SFMBT2: variants seen among roughly 807,000 people sequenced by gnomAD.
SFMBT2 encodes scm-like with four MBT domains protein 2.
SFMBT2 carries 38 observed loss-of-function variants against 110.1 expected under a neutral mutation model. That is an observed-to-expected ratio of 0.35 (90% CI 0.27 to 0.45). The LOEUF (loss-of-function observed/expected upper bound fraction) is 0.45, where lower values mean the gene tolerates loss of function less well. SFMBT2 is among the 20% of genes least tolerant of loss of function. The pLI is 1.00. For synonymous variants in SFMBT2, 425 were observed against 425.4 expected (o/e 1.00, Z 0.01); for missense variants, 1,011 against 1,094.9 (o/e 0.92, Z 1.08).
intron 4 of SFMBT2, among the ~76,000 whole-genome samples, chr10:7,313,096 G>A (rs1465808124): frequency 6.6e-6 from 1 of 151,948 alleles, no homozygotes; most frequent in Non-Finnish European, 1.5e-5. Flanking sequence ...GCAAGATGCT[G>A]AGCCCAGAGC....
At chr10:7,371,542 T>C (rs1222157420) in intron 2 of SFMBT2, among the ~76,000 whole-genome samples, 1 of 152,228 alleles carries the variant, frequency 6.6e-6, no homozygotes, top group Non-Finnish European at 1.5e-5. Flanking sequence ...CCAAAAAGCA[T>C]CAAATAATGC....
intron 1 of SFMBT2, among the ~76,000 whole-genome samples, chr10:7,400,480 C>T (rs747837110): frequency 2.6e-5 from 4 of 151,984 alleles, no homozygotes; most frequent in East Asian, 1.9e-4. Flanking sequence ...AGGGAGAAGG[C>T]GAGAAGAGAA....
chr10:7,251,967 C>T (rs1271367997), intron 7 of SFMBT2, among the ~76,000 whole-genome samples: 2 of 152,172 alleles, frequency 1.3e-5, no homozygotes, highest in Admixed American at 6.5e-5. Flanking sequence ...CTGGTCTACC[C>T]GCCCTCTTCA....
Position 7,382,698 on chromosome 10 carries a change from GA to G in SFMBT2, c.-51-750del, listed in dbSNP as rs1845460239. ...TGCAACACGCAGTGCCCTGCCTCAGGAAGAAGTCCTCACGTGTTACACATGA... is the reference window on the plus strand; with the variant it reads ...TGCAACACGCAGTGCCCTGCCTCAGGAGAAGTCCTCACGTGTTACACATGA... On this transcript the variant is annotated intron_variant, in intron 1 of 20. Coordinates refer to ENST00000397167, the MANE Select transcript of SFMBT2 (RefSeq NM_001387889.1). Among the ~76,000 whole-genome samples the G allele has an allele frequency of 6.6e-5, 10 of 152,174 alleles. No individual in the cohort carries two copies. In the South Asian group the frequency reaches 2.1e-3, roughly 32 times the overall value.
chr10:7,369,566 T>C (rs1420677718), intron 3 of SFMBT2, among the ~76,000 whole-genome samples: 2 of 152,316 alleles, frequency 1.3e-5, no homozygotes, highest in East Asian at 3.9e-4. Context: ...GTTTTTTTGG[T>C]TGGATCCAAA....
chr10:7,249,715 C>T (rs536992262), intron 7 of SFMBT2: 11 of 175,762 alleles, frequency 6.3e-5, no homozygotes, highest in Non-Finnish European at 1.2e-4. Flanking sequence ...AAAAGCTGGT[C>T]AGTACCGTCA....
intron 8 of SFMBT2, among the ~76,000 whole-genome samples, chr10:7,244,894 T>C (rs1399703351): frequency 6.6e-6 from 1 of 152,196 alleles, no homozygotes; most frequent in East Asian, 1.9e-4. Context: ...AAGGATCAGA[T>C]GGGGCCTTCC....
chr10:7,392,707 G>A (rs907780744), intron 1 of SFMBT2, among the ~76,000 whole-genome samples: 1 of 151,948 alleles, frequency 6.6e-6, no homozygotes, highest in Non-Finnish European at 1.5e-5. Flanking sequence ...TTTGACAAGA[G>A]AGAATGTTTT....
intron 9 of SFMBT2, among the ~76,000 whole-genome samples, chr10:7,228,886 TGA>T (rs1285938809): frequency 6.7e-6 from 1 of 149,742 alleles, no homozygotes; most frequent in Non-Finnish European, 1.5e-5. Context: ...GGAGACGAGG[TGA>T]GAGAAAAGAG....
chr10:7,205,002 G>C (rs1839081726), intron 12 of SFMBT2: 2 of 812,488 alleles, frequency 2.5e-6, no homozygotes, highest in Non-Finnish European at 3.0e-6. Flanking sequence ...TGTAACCAAA[G>C]GGACGTGTGG....
intron 16 of SFMBT2, among the ~76,000 whole-genome samples, chr10:7,186,953 C>A (rs1469793943): frequency 1.3e-5 from 2 of 152,160 alleles, no homozygotes; most frequent in Admixed American, 6.5e-5. Context: ...TGCCATGGAA[C>A]TTTTTGTCAT....
At chr10:7,281,948 G>A (rs940936485) in intron 6 of SFMBT2, among the ~76,000 whole-genome samples, 5 of 152,042 alleles carry the variant, frequency 3.3e-5, no homozygotes, top group Admixed American at 2.6e-4. Flanking sequence ...GTGATCAAGC[G>A]ATCCTCCCAC....
chr10:7,368,872 G>C (rs1368573437), intron 3 of SFMBT2, among the ~76,000 whole-genome samples: 2 of 152,184 alleles, frequency 1.3e-5, no homozygotes, highest in African/African-American at 2.4e-5. Flanking sequence ...TTACTAAACA[G>C]CCACAATCAC....
In SFMBT2 at chr10:7,202,540, CG is replaced by C; in HGVS notation, c.1445-19del. 1 of 1,614,006 alleles carries C rather than the reference CG, an allele frequency of 6.2e-7. No homozygotes were observed. The highest frequency in any genetic ancestry group is 8.5e-7 in the Non-Finnish European group (1 of 1,180,000). Reference sequence around the variant, plus strand: ...CTTTTGTGCTGTAGAAAAGGCAAAACGGAAAAAGAAAATCAGCTTTGTTAGT... The same window carrying C: ...CTTTTGTGCTGTAGAAAAGGCAAAACGAAAAAGAAAATCAGCTTTGTTAGT... On this transcript the variant is annotated intron_variant, in intron 12 of 20. Transcript: ENST00000397167.
At chr10:7,334,432 C>G (rs1843656111) in intron 4 of SFMBT2, among the ~76,000 whole-genome samples, 1 of 152,166 alleles carries the variant, frequency 6.6e-6, no homozygotes, top group Non-Finnish European at 1.5e-5. Flanking sequence ...GGAATTAGCT[C>G]CCAATCCTTA....
At chr10:7,277,121 T>G in intron 6 of SFMBT2, 132 bp from the exon 7 acceptor site, 1 of 602,472 alleles carries the variant, frequency 1.7e-6, no homozygotes, top group Non-Finnish European at 3.0e-6. Context: ...TCACACCCCA[T>G]ACCCACCATG....
At chr10:7,360,360 A>G (rs1207070024) in intron 4 of SFMBT2, among the ~76,000 whole-genome samples, 2 of 152,182 alleles carry the variant, frequency 1.3e-5, no homozygotes, top group Non-Finnish European at 2.9e-5. Context: ...CCAGCTACTC[A>G]TGAGGCTGAG....
chr10:7,164,339 T>A, intron 20 of SFMBT2: 2 of 829,884 alleles, frequency 2.4e-6, no homozygotes, highest in Non-Finnish European at 1.5e-6. Context: ...TGAGCTGTGA[T>A]CATACCACTG....
At chr10:7,207,819 T>C (rs559867808) in intron 11 of SFMBT2, among the ~76,000 whole-genome samples, 1 of 152,364 alleles carries the variant, frequency 6.6e-6, no homozygotes, top group East Asian at 1.9e-4. Context: ...GCCAATATAT[T>C]GGTGTATCTC....
Sources: allele counts gnomAD v4.1 joint callset (sites outside exome capture counted in the v4.1 genomes callset), GRCh38; gene constraint gnomAD v4.1.1; transcripts MANE v1.5; gene names NCBI Gene and HGNC (gene_info 2026-07-23, HGNC 2026-07-21).